The following CD36 variants were observed in gnomAD, a reference collection of about 807,000 sequenced individuals.
CD36 encodes platelet glycoprotein 4.
A neutral mutation model predicts 55.2 loss-of-function variants in CD36; 119 were observed. That is an observed-to-expected ratio of 2.15 (90% CI 1.86 to 2.51). The LOEUF (loss-of-function observed/expected upper bound fraction) is 2.51, where lower values mean the gene tolerates loss of function less well. CD36 is among the 30% of genes most tolerant of loss of function. CD36 has a pLI of 0.00. For synonymous variants in CD36, 186 were observed against 193.6 expected (o/e 0.96, Z 0.33); for missense variants, 819 against 555.5 (o/e 1.47, Z -4.77).
intron 10 of CD36, 47 bp downstream of exon 10, chr7:80,671,211 ATTCT>A: frequency 1.6e-6 from 2 of 1,247,082 alleles, no homozygotes; most frequent in Non-Finnish European, 2.3e-6. Flanking sequence ...AATTTGTGAT[ATTCT>A]TTAAGATGAG....
At chr7:80,621,644 T>A (rs192351820) in intron 1 of CD36, among the ~76,000 whole-genome samples, 55 of 152,272 alleles carry the variant, frequency 3.6e-4, no homozygotes, top group Admixed American at 1.0e-3. Flanking sequence ...TATATTTTTT[T>A]AAAAAAATCC....
At chr7:80,670,746 G>T (rs1313072491) in intron 9 of CD36, 2 of 525,314 alleles carry the variant, frequency 3.8e-6, no homozygotes, top group African/African-American at 1.9e-5. Flanking sequence ...TTGCCTGTGA[G>T]AAGTAACTTG....
chr7:80,673,218 TATTAAA>T lies in CD36; in HGVS notation c.1200-133_1200-128del, dbSNP rs1797890955. On this transcript the variant is annotated intron_variant, in intron 12 of 14. Coordinates refer to ENST00000447544, the MANE Select transcript of CD36 (RefSeq NM_001001548.3). ...GAGCAAAGGAAGTCAAAAACAACTA[TATTAAA>T]ATTTAAATGAGTCATTACAGGAACA... The T allele has an allele frequency of 1.1e-5, 6 of 545,338 alleles. No individual in the cohort carries two copies. In the East Asian group the frequency reaches 1.8e-4, roughly 16 times the overall value. The allele number at this position is 545,338 out of a possible 1,614,324, so 33.8% of individuals were successfully genotyped here.
chr7:80,617,600 G>A (rs1304412210), intron 1 of CD36, among the ~76,000 whole-genome samples: 2 of 151,820 alleles, frequency 1.3e-5, no homozygotes, highest in Admixed American at 6.6e-5. Context: ...GGTGGCAGGT[G>A]CTTGTAGTCC....
rs372169094 is a variant in CD36 at position 80,664,423 on chromosome 7, T to G, written c.627T>G (p.Asp209Glu). 4 of 1,562,072 alleles carry G rather than the reference T, an allele frequency of 2.6e-6. No individual in the cohort carries two copies. The highest frequency in any genetic ancestry group is 2.6e-6 in the Non-Finnish European group (3 of 1,132,946). Residue 209 changes from aspartate (D) to glutamate (E), a missense_variant, in exon 7 of 15, where the codon GAT becomes GAG. Coordinates refer to ENST00000447544, the MANE Select transcript of CD36 (RefSeq NM_001001548.3). ...GLFYPYNNTA[D>E]GVYKVFNGKD... is the part of the protein sequence containing the mutation. ...TATTTCAGTACAACAATACTGCAGA[T>G]GGAGTTTATAAAGTTTTCAATGGAA...
intron 1 of CD36, among the ~76,000 whole-genome samples, chr7:80,616,099 C>G (rs1562771579): frequency 6.6e-6 from 1 of 151,982 alleles, no homozygotes; most frequent in Non-Finnish European, 1.5e-5. Context: ...TATTCCTTGA[C>G]TTTTTGTTAG....
intron 1 of CD36, among the ~76,000 whole-genome samples, chr7:80,643,240 T>G (rs1028283019): frequency 1.3e-5 from 2 of 152,142 alleles, no homozygotes; most frequent in Non-Finnish European, 2.9e-5. Context: ...GATTCACAAC[T>G]AGGTTGTGGC....
intron 1 of CD36, among the ~76,000 whole-genome samples, chr7:80,604,848 A>T (rs2115685160): frequency 6.6e-6 from 1 of 152,276 alleles, no homozygotes; most frequent in African/African-American, 2.4e-5. Context: ...GAAAATTAAA[A>T]AAATATATAT....
intron 4 of CD36, among the ~76,000 whole-genome samples, chr7:80,660,038 T>A (rs1796400781): frequency 6.6e-6 from 1 of 152,136 alleles, no homozygotes; most frequent in South Asian, 2.1e-4. Context: ...AATTTACATT[T>A]TTATTATAAT....
chr7:80,630,794 T>C (rs1219672943), intron 1 of CD36, among the ~76,000 whole-genome samples: 2 of 151,988 alleles, frequency 1.3e-5, no homozygotes, highest in East Asian at 1.9e-4. Context: ...ATACATTACA[T>C]GGAGGATGCC....
At chr7:80,635,431 C>T (rs867338357), upstream of CD36, among the ~76,000 whole-genome samples, 3 of 151,980 alleles carry the variant, frequency 2.0e-5, no homozygotes, top group Non-Finnish European at 4.4e-5. Context: ...TGCACCACCA[C>T]ACCTGGCTAA....
chr7:80,651,735 C>T (rs1795638636), intron 3 of CD36, among the ~76,000 whole-genome samples: 1 of 152,082 alleles, frequency 6.6e-6, no homozygotes, highest in African/African-American at 2.4e-5. Flanking sequence ...TGGCAAAACC[C>T]CATCTCTACG....
In CD36 at chr7:80,670,975, A is replaced by T. The variant is rs1230184710; in HGVS notation, c.819-2A>T. 1.9e-6 allele frequency: 3 copies of T among 1,606,818 alleles called. No individual in the cohort carries two copies. The highest frequency in any genetic ancestry group is 2.2e-5 in the East Asian group (1 of 44,772). On this transcript the variant is annotated splice_acceptor_variant, in intron 9 of 14. Coordinates refer to ENST00000447544, the MANE Select transcript of CD36 (RefSeq NM_001001548.3). LOFTEE classifies it high-confidence loss of function. ...ATGCAGCTCTTTTTTCTCTGTATTT[A>T]GGTCAATCTATGCTGTATTTGAATC...
chr7:80,670,023 G>T lies in CD36; in HGVS notation c.818+1G>T, dbSNP rs1187368618. 10 of 1,589,634 alleles carry T rather than the reference G, an allele frequency of 6.3e-6. No individual in the cohort carries two copies. The highest frequency in any genetic ancestry group is 1.3e-5 in the African/African-American group (1 of 74,372). On this transcript the variant is annotated splice_donor_variant, in intron 9 of 14. Coordinates refer to ENST00000447544, the MANE Select transcript of CD36 (RefSeq NM_001001548.3). LOFTEE classifies it high-confidence loss of function. ...AGTTCTTTTCTTCTGATATTTGCAG[G>T]TAAGACAGATACTGAAGTATAAGTA...
intron 1 of CD36, chr7:80,625,025 T>A (rs912058015): frequency 6.6e-6 from 1 of 152,094 alleles, no homozygotes. Flanking sequence ...ACTTTGAACA[T>A]TTATTTTACT....
Position 80,671,167 on chromosome 7 carries a change from GAGTA to G in CD36, c.1006+5_1006+8del. The G allele has an allele frequency of 6.3e-7, 1 of 1,589,998 alleles. No homozygotes were observed. Among genetic ancestry groups the G allele is most frequent in the African/African-American group, 1.3e-5 (1 of 74,404 alleles). On this transcript the variant is annotated splice_donor_5th_base_variant and intron_variant, in intron 10 of 14. Transcript: ENST00000447544. ...AGACATCAGCAAATGCAAAGAAGGT[GAGTA>G]AATAACCTCAGTAGCACAGTCCATA...
At position 80,678,470 on chromosome 7, in the gene CD36, G is replaced by C. The variant is rs1394636121; in HGVS notation, c.*2087G>C. 1.3e-5 allele frequency: 2 copies of C among 152,104 alleles called. No individual in the cohort carries two copies. The highest frequency in any genetic ancestry group is 4.8e-5 in the African/African-American group (2 of 41,416). 9.4% of individuals were successfully genotyped at this position (152,104 alleles called of 1,614,324 possible). On this transcript the variant is annotated 3_prime_UTR_variant, in exon 15 of 15. Coordinates refer to ENST00000447544, the MANE Select transcript of CD36 (RefSeq NM_001001548.3). ...ATGAAGAAATAGAAGAAGCTATGTA[G>C]CTTTCAGTTCTGACAGAAAAGGGTG...
Position 80,671,075 on chromosome 7 carries a change from A to C in CD36, c.917A>C (p.Asn306Thr), listed in dbSNP as rs781468694. ...AAGGCCTTTGCCTCTCCAGTTGAAAACCCAGACAACTATTGTTTCTGCACA... is the reference window on the plus strand; with the variant it reads ...AAGGCCTTTGCCTCTCCAGTTGAAACCCCAGACAACTATTGTTTCTGCACA... ...PSKAFASPVE[N>T]PDNYCFCTEK... is the part of the protein sequence containing the mutation. The change falls in exon 10 of 15, where the codon AAC (asparagine) becomes ACC (threonine). Residue 306 changes from asparagine to threonine, a missense_variant. Coordinates refer to ENST00000447544, the MANE Select transcript of CD36 (RefSeq NM_001001548.3). 33 of 1,612,756 alleles carry C rather than the reference A, an allele frequency of 2.0e-5. No individual in the cohort carries two copies. Among genetic ancestry groups the C allele is most frequent in the Non-Finnish European group, 2.7e-5 (32 of 1,179,008 alleles).
At chr7:80,652,912 G>A (rs1584390556) in intron 3 of CD36, among the ~76,000 whole-genome samples, 1 of 152,072 alleles carries the variant, frequency 6.6e-6, no homozygotes, top group South Asian at 2.1e-4. Flanking sequence ...AACAACCTAT[G>A]AGGATAAATA....
Sources: allele counts gnomAD v4.1 joint callset (sites outside exome capture counted in the v4.1 genomes callset), GRCh38; gene constraint gnomAD v4.1.1; transcripts MANE v1.5; gene names NCBI Gene and HGNC (gene_info 2026-07-23, HGNC 2026-07-21).